NOTCH2: variants seen among roughly 807,000 people sequenced by gnomAD.
The protein encoded by NOTCH2 is notch receptor 2, also known as neurogenic locus notch homolog protein 2.
Under a neutral mutation model 235.8 loss-of-function variants are expected in NOTCH2, and 29 were observed. The ratio of observed to expected loss-of-function variants is 0.12; its 90% CI spans 0.09 to 0.17. The LOEUF is 0.17. Among genes scored for constraint, NOTCH2 ranks in the 10% least tolerant of loss-of-function variants. The pLI is 1.00. For synonymous variants in NOTCH2, 1,086 were observed against 1,141.5 expected, an observed-to-expected ratio of 0.95 and a Z score of 0.98; for missense variants, 2,285 against 3,150.2, an observed-to-expected ratio of 0.73 and a Z score of 6.57.
intron 11 of NOTCH2, among the ~76,000 whole-genome samples, chr1:119,962,510 T>C (rs1309771572): frequency 5.9e-5 from 9 of 152,198 alleles, no homozygotes; most frequent in African/African-American, 1.9e-4. Context: ...TTTCGTATGC[T>C]TGAGCAATTC....
chr1:119,916,382 T>A lies in NOTCH2; in HGVS notation c.6340A>T (p.Thr2114Ser), dbSNP rs2101144452. 6.2e-7 allele frequency: 1 copy of A among 1,614,186 alleles called. No homozygotes were observed. The highest frequency in any genetic ancestry group is 1.3e-5 in the African/African-American group (1 of 75,054). The change falls in exon 34 of 34, where the codon ACT becomes TCT. Residue 2114 changes from threonine (T) to serine (S), a missense_variant. Physicochemically the swap from Thr to Ser is moderately conservative, Grantham distance 58 (BLOSUM62 1). This residue lies in a region of NOTCH2 where 504 missense variants were observed against 538.0 expected (regional missense o/e 0.94). Transcript: ENST00000256646. ...TCCTTGGCAAGGTTAGGGAGGCTAG[T>A]AGGCATGGTACTCTTGGCACTGGGC... ...RRPSAKSTMP[T>S]SLPNLAKEAK...
rs1265133681 is a variant in NOTCH2 at position 119,969,754 on chromosome 1, G to A, written c.875-10C>T. 6.2e-7 allele frequency: 1 copy of A among 1,612,670 alleles called. No individual in the cohort carries two copies. Among genetic ancestry groups the A allele is most frequent in the South Asian group, 1.1e-5 (1 of 91,026 alleles). ...TCTGTGCAGAACTGTCCTTTTAGGG[G>A]GAAATTACTTTTGATTAGGGCTCTT... On this transcript the variant is annotated splice_polypyrimidine_tract_variant and intron_variant, in intron 5 of 33. Coordinates refer to ENST00000256646, the MANE Select transcript of NOTCH2 (RefSeq NM_024408.4).
chr1:119,938,687 T>TA (rs1199387830), intron 19 of NOTCH2, among the ~76,000 whole-genome samples: 2 of 146,098 alleles, frequency 1.4e-5, no homozygotes, highest in African/African-American at 5.0e-5. Flanking sequence ...ATATTCATTC[T>TA]TTTTTTTTTT....
chr1:119,972,950 A>T (rs1307923014), intron 5 of NOTCH2, among the ~76,000 whole-genome samples: 1 of 152,188 alleles, frequency 6.6e-6, no homozygotes, highest in East Asian at 1.9e-4. Flanking sequence ...GACTCAAACA[A>T]TTGGTTACTG....
Position 119,967,436 on chromosome 1 carries a change from G to A in NOTCH2, c.1450C>T (p.Pro484Ser). 1 of 1,613,904 alleles carries A rather than the reference G, an allele frequency of 6.2e-7. No homozygotes were observed. The change falls in exon 8 of 34, where the codon CCA (proline) becomes TCA (serine). Residue 484 changes from proline (P) to serine (S), a missense_variant. This residue lies in a region of NOTCH2 where 431 missense variants were observed against 757.8 expected (regional missense o/e 0.57). Transcript: ENST00000256646. Reference protein sequence around the residue: ...KIGGFTCLCMPGFKGVHCELE... With the variant: ...KIGGFTCLCMSGFKGVHCELE... ...ACATGCTGATGGGCCCATTTACCTG[G>A]CATGCACAGACATGTGAAGCCTCCA...
At chr1:120,055,636 G>A (rs1655111712) in intron 1 of NOTCH2, among the ~76,000 whole-genome samples, 1 of 141,366 alleles carries the variant, frequency 7.1e-6, no homozygotes, top group Non-Finnish European at 1.5e-5. Context: ...TATAGAGGGA[G>A]CAGAAGGGAG....
chr1:119,941,434 T>C lies in NOTCH2; in HGVS notation c.2981+92A>G, dbSNP rs147858516. 940 of 892,368 alleles carry C rather than the reference T, an allele frequency of 1.1e-3. 8 individuals carry two copies. Among genetic ancestry groups the C allele is most frequent in the South Asian group, 7.8e-3 (557 of 71,620 alleles). The allele number at this position is 892,368 out of a possible 1,614,324, so 55.3% of individuals were successfully genotyped here. ...GGGATCCATGTGGACACCTCATCCC[T>C]GCTCCACAATTCTAGCATTGTGCTC... On this transcript the variant is annotated intron_variant, in intron 18 of 33. Coordinates refer to ENST00000256646, the MANE Select transcript of NOTCH2 (RefSeq NM_024408.4).
chr1:119,969,706 G>T lies in NOTCH2; in HGVS notation c.913C>A (p.Gln305Lys). The T allele has an allele frequency of 6.2e-7, 1 of 1,614,118 alleles. No homozygotes were observed. The highest frequency in any genetic ancestry group is 8.5e-7 in the Non-Finnish European group (1 of 1,179,986). The change falls in exon 6 of 34, where the codon CAG (glutamine) becomes AAG (lysine). Residue 305 changes from glutamine to lysine, a missense_variant. Physicochemically the swap from Gln to Lys is moderately conservative, Grantham distance 53 (BLOSUM62 1). Coordinates refer to ENST00000256646, the MANE Select transcript of NOTCH2 (RefSeq NM_024408.4). ...CCCCCATTTTGACAGGCATTGGGCT[G>T]CAGCAGGCATTCATCCACATCCTCT... ...CTEDVDECLL[Q>K]PNACQNGGTC...
At chr1:120,063,682 T>C (rs1553216613) in intron 1 of NOTCH2, among the ~76,000 whole-genome samples, 1 of 152,060 alleles carries the variant, frequency 6.6e-6, no homozygotes, top group African/African-American at 2.4e-5. Context: ...TCTAATACTC[T>C]CAAAAAACAA....
chr1:120,014,131 G>A (rs1553207488), intron 2 of NOTCH2, among the ~76,000 whole-genome samples: 1 of 152,002 alleles, frequency 6.6e-6, no homozygotes. Flanking sequence ...CTCTTCTCTA[G>A]CATTGAACTC....
chr1:119,952,919 C>G (rs1406113181), intron 14 of NOTCH2, among the ~76,000 whole-genome samples: 1 of 152,194 alleles, frequency 6.6e-6, no homozygotes, highest in African/African-American at 2.4e-5. Context: ...TTCCATATAT[C>G]TATTTGAACT....
At chr1:120,042,717 G>A (rs1254715389) in intron 1 of NOTCH2, among the ~76,000 whole-genome samples, 5 of 150,718 alleles carry the variant, frequency 3.3e-5, no homozygotes, top group Non-Finnish European at 5.9e-5. Flanking sequence ...AATCACTTTG[G>A]CTATGAGCCT....
intron 18 of NOTCH2, 143 bp downstream of exon 18, chr1:119,941,383 C>T (rs1230486622): frequency 2.1e-5 from 15 of 704,698 alleles, no homozygotes; most frequent in South Asian, 1.5e-4. Context: ...AACCAGTAAC[C>T]GGGCAATAGG....
intron 22 of NOTCH2, among the ~76,000 whole-genome samples, chr1:119,930,890 A>C (rs1356458637): frequency 6.6e-6 from 1 of 151,790 alleles, no homozygotes; most frequent in Non-Finnish European, 1.5e-5. Context: ...CGAGGTCAGG[A>C]GATCGAGACC....
chr1:120,006,235 G>A lies in NOTCH2; in HGVS notation c.156-647C>T, dbSNP rs587691253. Among the ~76,000 whole-genome samples, 7 of 151,872 alleles carry A rather than the reference G, an allele frequency of 4.6e-5. No homozygotes were observed. The South Asian group carries it at 1.5e-3, about 32-fold the overall frequency. ...TACAGGAATGGGGAAGAGTTCAAAGGGATATTTAAAAATCTGTTAATATTT... is the reference window on the plus strand; with the variant it reads ...TACAGGAATGGGGAAGAGTTCAAAGAGATATTTAAAAATCTGTTAATATTT... On this transcript the variant is annotated intron_variant, in intron 2 of 33. Coordinates refer to ENST00000256646, the MANE Select transcript of NOTCH2 (RefSeq NM_024408.4).
chr1:119,925,563 G>A lies in NOTCH2; in HGVS notation c.4253C>T (p.Pro1418Leu), dbSNP rs749662461. The A allele has an allele frequency of 2.5e-6, 4 of 1,614,098 alleles. No individual in the cohort carries two copies. Among genetic ancestry groups the A allele is most frequent in the Non-Finnish European group, 2.5e-6 (3 of 1,180,034 alleles). Residue 1418 changes from proline (P) to leucine (L), a missense_variant, in exon 25 of 34, where the codon CCC (proline) becomes CTC (leucine). By Grantham distance (98) the Pro-to-Leu change is moderately conservative. Around this residue, in one of 6 missense-constraint regions of NOTCH2, gnomAD observed 1,173 missense variants for 1,515.3 expected, o/e 0.77. Coordinates refer to ENST00000256646, the MANE Select transcript of NOTCH2 (RefSeq NM_024408.4). ...CAGACAGGTGGCAGGAGGGGTGCTG[G>A]GGGGTGCCGTGTAGAGTTCACAGCG... ...GSRCELYTAP[P>L]STPPATCLSQ...
chr1:119,938,530 G>A (rs1048638783), intron 19 of NOTCH2, among the ~76,000 whole-genome samples: 3 of 152,164 alleles, frequency 2.0e-5, no homozygotes, highest in Non-Finnish European at 2.9e-5. Flanking sequence ...AAGCAAAACC[G>A]TCAGCACCTC....
At chr1:119,950,970 C>T (rs2101118660) in intron 14 of NOTCH2, 133 bp from the exon 15 acceptor site, 1 of 714,656 alleles carries the variant, frequency 1.4e-6, no homozygotes. Flanking sequence ...ACTGAAATAC[C>T]TGTTCATTCA....
Position 119,916,037 on chromosome 1 carries a change from G to C in NOTCH2, c.6685C>G (p.His2229Asp). 6.2e-7 allele frequency: 1 copy of C among 1,613,778 alleles called. No individual in the cohort carries two copies. Among genetic ancestry groups the C allele is most frequent in the Non-Finnish European group, 8.5e-7 (1 of 1,180,022 alleles). ...CTGCCACTGCCTGGAGACACAATGTGGTGGTGGGATAGCAACTGGCTCACT... is the reference window on the plus strand; with the variant it reads ...CTGCCACTGCCTGGAGACACAATGTCGTGGTGGGATAGCAACTGGCTCACT... ...PSVSQLLSHH[H>D]IVSPGSGSAG... Residue 2229 changes from histidine (H) to aspartate (D), a missense_variant, in exon 34 of 34, where the codon CAC becomes GAC. His to Asp is a moderately conservative substitution (Grantham distance 81). Coordinates refer to ENST00000256646, the MANE Select transcript of NOTCH2 (RefSeq NM_024408.4).
Sources: allele counts gnomAD v4.1 joint callset (sites outside exome capture counted in the v4.1 genomes callset), GRCh38; gene constraint gnomAD v4.1.1; regional missense constraint gnomAD v4.1.1; transcripts MANE v1.5; gene names NCBI Gene and HGNC (gene_info 2026-07-23, HGNC 2026-07-21).